ELOVL5: variants seen among roughly 807,000 people sequenced by gnomAD.
ELOVL5 encodes the protein very long chain fatty acid elongase 5.
ELOVL5 carries 8 observed loss-of-function variants against 38.6 expected under a neutral mutation model. The ratio of observed to expected loss-of-function variants is 0.21; its 90% CI spans 0.12 to 0.37. The LOEUF is 0.37. Among genes scored for constraint, ELOVL5 ranks in the 10% least tolerant of loss-of-function variants. The pLI, the probability that ELOVL5 is intolerant of heterozygous loss-of-function variation, is 1.00. For missense variants in ELOVL5, 280 were observed against 367.8 expected, an observed-to-expected ratio of 0.76 and a Z score of 1.95; for synonymous variants, 127 against 133.7, an observed-to-expected ratio of 0.95 and a Z score of 0.34.
Position 53,273,755 on chromosome 6 carries a change from A to G in ELOVL5, c.497-411T>C, listed in dbSNP as rs115866947. Among the ~76,000 whole-genome samples the G allele has an allele frequency of 4.4e-3, 666 of 152,316 alleles. 8 individuals are homozygous for G. The highest frequency in any genetic ancestry group is 0.015 in the African/African-American group (642 of 41,564). ...AATATGCTCAAAAATGGTTGTTTCTATACATTTGCTGGGGTGTGGAGAGGT... is the reference window on the plus strand; with the variant it reads ...AATATGCTCAAAAATGGTTGTTTCTGTACATTTGCTGGGGTGTGGAGAGGT... On this transcript the variant is annotated intron_variant, in intron 5 of 7. Coordinates refer to ENST00000304434, the MANE Select transcript of ELOVL5 (RefSeq NM_021814.5).
At chr6:53,270,773 C>G in intron 6 of ELOVL5, 46 bp from the exon 7 acceptor site, 2 of 1,604,892 alleles carry the variant, frequency 1.2e-6, no homozygotes, top group Non-Finnish European at 1.7e-6. Flanking sequence ...AGTGCATGGA[C>G]GAGGCCCCAC....
At chr6:53,288,078 C>G in intron 3 of ELOVL5, 1 of 761,300 alleles carries the variant, frequency 1.3e-6, no homozygotes, top group Non-Finnish European at 2.2e-6. Context: ...CTGTAACACT[C>G]TAACAAAGGA....
rs1765820575 is a variant in ELOVL5 at position 53,268,796 on chromosome 6, T to C, written c.*331A>G. 5.4e-6 allele frequency: 1 copy of C among 186,012 alleles called. No homozygotes were observed. The highest frequency in any genetic ancestry group is 2.3e-5 in the African/African-American group (1 of 42,902). The allele number at this position is 186,012 out of a possible 1,614,324, so 11.5% of individuals were successfully genotyped here. A position where few individuals can be genotyped will look rare whatever the true frequency, so the allele number is the denominator to read the frequency against. ...ATGATCTACAGTTAAAAAAAAAAGT[T>C]TGGATTACAGTGTTTTTAAATTGTG... On this transcript the variant is annotated 3_prime_UTR_variant, in exon 8 of 8. Transcript: ENST00000304434.
chr6:53,270,673 T>C lies in ELOVL5; in HGVS notation c.676A>G (p.Thr226Ala). 6.2e-7 allele frequency: 1 copy of C among 1,614,184 alleles called. No individual in the cohort carries two copies. The highest frequency in any genetic ancestry group is 1.3e-5 in the African/African-American group (1 of 75,056). Residue 226 changes from threonine to alanine, a missense_variant, in exon 7 of 8, where the codon ACA (threonine) becomes GCA (alanine). Transcript: ENST00000304434. The stretch of plus-strand genomic sequence containing the variant: ...AAATACAACCAACCAAGAGGGAATG[T>C]GCACGGCCAGATGACCCCGCAGCTG... ...QTSCGVIWPC[T>A]FPLGWLYFQI...
rs1306971847 is a variant in ELOVL5 at position 53,334,183 on chromosome 6, T to C, written c.-9+14634A>G. ...ATTTTAAAAACAGAATTTAACACGT[T>C]GTAGCAAGCAGAACCCATTTCCCCT... On this transcript the variant is annotated intron_variant, in intron 1 of 7. Transcript: ENST00000304434. Among the ~76,000 whole-genome samples the C allele has an allele frequency of 3.9e-5, 6 of 152,250 alleles. No homozygotes were observed. In the East Asian group the frequency reaches 9.7e-4, roughly 25 times the overall value.
intron 6 of ELOVL5, 58 bp from the exon 7 acceptor site, chr6:53,270,785 C>T: frequency 6.3e-7 from 1 of 1,593,566 alleles, no homozygotes; most frequent in African/African-American, 1.3e-5. Flanking sequence ...AGGCCCCACA[C>T]CAGGCAGACT....
At chr6:53,344,436 G>A (rs936446731) in intron 1 of ELOVL5, among the ~76,000 whole-genome samples, 3 of 152,094 alleles carry the variant, frequency 2.0e-5, no homozygotes, top group Admixed American at 2.0e-4. Flanking sequence ...ACTCTAACAA[G>A]ACTGTCTTTC....
rs1174290824 is a variant in ELOVL5 at position 53,305,409 on chromosome 6, T to G, written c.-8-9702A>C. Among the ~76,000 whole-genome samples the G allele has an allele frequency of 5.6e-5, 8 of 143,844 alleles. 1 individual carries two copies. Among genetic ancestry groups the G allele is most frequent in the African/African-American group, 2.1e-4 (8 of 37,552 alleles). The allele number at this position is 143,844 out of a possible 152,430, so 94.4% of individuals were successfully genotyped here. On this transcript the variant is annotated intron_variant, in intron 1 of 7. Coordinates refer to ENST00000304434, the MANE Select transcript of ELOVL5 (RefSeq NM_021814.5). Reference sequence around the variant, plus strand: ...CCCCCCACCTCCCTCCCGGGCGGGGTGGCTGCCGGGCGGAGACGCTCCTCA... The same window carrying G: ...CCCCCCACCTCCCTCCCGGGCGGGGGGGCTGCCGGGCGGAGACGCTCCTCA...
At chr6:53,344,787 T>C (rs1561897919) in intron 1 of ELOVL5, among the ~76,000 whole-genome samples, 1 of 152,234 alleles carries the variant, frequency 6.6e-6, no homozygotes, top group Non-Finnish European at 1.5e-5. Context: ...CTGCCAATTG[T>C]GCTATTTGCT....
At chr6:53,326,156 T>C (rs1768532636) in intron 1 of ELOVL5, among the ~76,000 whole-genome samples, 1 of 152,192 alleles carries the variant, frequency 6.6e-6, no homozygotes, top group Admixed American at 6.5e-5. Flanking sequence ...TCTTAGCCTG[T>C]TGAAGCCATC....
At chr6:53,280,335 T>C (rs998356962) in intron 3 of ELOVL5, among the ~76,000 whole-genome samples, 6 of 152,166 alleles carry the variant, frequency 3.9e-5, no homozygotes, top group Non-Finnish European at 7.4e-5. Context: ...CCCAGGGGCA[T>C]TATTTGCAGG....
At chr6:53,312,948 A>C (rs1230812628) in intron 1 of ELOVL5, among the ~76,000 whole-genome samples, 3 of 152,246 alleles carry the variant, frequency 2.0e-5, no homozygotes, top group African/African-American at 7.2e-5. Context: ...AGGTGTTTCA[A>C]ATACTCATTT....
chr6:53,321,463 A>G lies in ELOVL5; in HGVS notation c.-8-25756T>C, dbSNP rs556547367. Among the ~76,000 whole-genome samples the G allele has an allele frequency of 2.0e-5, 3 of 152,362 alleles. No homozygotes were observed. In the South Asian group the frequency reaches 6.2e-4, roughly 32 times the overall value. On this transcript the variant is annotated intron_variant, in intron 1 of 7. Coordinates refer to ENST00000304434, the MANE Select transcript of ELOVL5 (RefSeq NM_021814.5). ...CAAGTTTTCACTATTTTCAAATAAT[A>G]TTGCAATAAACATCTTTACACATAA...
At chr6:53,287,328 C>T (rs1766610747) in intron 3 of ELOVL5, among the ~76,000 whole-genome samples, 1 of 152,140 alleles carries the variant, frequency 6.6e-6, no homozygotes, top group Non-Finnish European at 1.5e-5. Flanking sequence ...AAATGTGGTT[C>T]CGACATTTGC....
chr6:53,285,934 GTTTTT>G (rs989805552), intron 3 of ELOVL5, among the ~76,000 whole-genome samples: 32 of 151,140 alleles, frequency 2.1e-4, no homozygotes, highest in African/African-American at 7.5e-4. Flanking sequence ...TATGTCTACT[GTTTTT>G]TTTTAAGATT....
intron 3 of ELOVL5, among the ~76,000 whole-genome samples, chr6:53,278,039 CCT>C (rs1421001422): frequency 6.6e-6 from 1 of 152,200 alleles, no homozygotes; most frequent in Non-Finnish European, 1.5e-5. Context: ...TGTAAAAGAT[CCT>C]CTTTTTTAAA....
intron 1 of ELOVL5, among the ~76,000 whole-genome samples, chr6:53,330,999 T>C (rs965026290): frequency 6.6e-6 from 1 of 152,210 alleles, no homozygotes; most frequent in East Asian, 1.9e-4. Context: ...CCGGAAGCTG[T>C]TTCACAATTA....
chr6:53,348,376 C>A (rs1582012361), intron 1 of ELOVL5, among the ~76,000 whole-genome samples: 1 of 151,080 alleles, frequency 6.6e-6, no homozygotes, highest in South Asian at 2.1e-4. Context: ...CCAAAGAAAG[C>A]GCGCTCCCTC....
intron 6 of ELOVL5, among the ~76,000 whole-genome samples, chr6:53,271,213 C>T (rs780007014): frequency 1.3e-5 from 2 of 152,238 alleles, no homozygotes; most frequent in East Asian, 1.9e-4. Context: ...AACCTTGAAA[C>T]GCATGTGAAC....
Sources: allele counts gnomAD v4.1 joint callset (sites outside exome capture counted in the v4.1 genomes callset), GRCh38; gene constraint gnomAD v4.1.1; transcripts MANE v1.5; gene names NCBI Gene and HGNC (gene_info 2026-07-23, HGNC 2026-07-21).